SYN3: variants seen among roughly 807,000 people sequenced by gnomAD.
SYN3 encodes the protein synapsin III, also known as synapsin-3.
In SYN3, 35 loss-of-function variants were observed where a neutral mutation model predicts 65.8. The observed-to-expected ratio is 0.53, with a 90% CI of 0.41 to 0.70. The LOEUF (loss-of-function observed/expected upper bound fraction) is 0.70. Among genes scored for constraint, SYN3 ranks in the 30% least tolerant of loss-of-function variants. The probability of loss-of-function intolerance (pLI) is 0.00; values close to 1 mark genes in which losing one functional copy is unlikely to be tolerated. For missense variants in SYN3, 680 were observed against 749.0 expected (o/e 0.91, Z 1.08); for synonymous variants, 270 against 292.9 (o/e 0.92, Z 0.80).
chr22:32,660,970 T>C (rs1006213084), intron 6 of SYN3, among the ~76,000 whole-genome samples: 2 of 152,186 alleles, frequency 1.3e-5, no homozygotes, highest in Admixed American at 6.5e-5. Flanking sequence ...ATGTGAGCCA[T>C]TGGAGACATG....
intron 6 of SYN3, among the ~76,000 whole-genome samples, chr22:32,729,174 T>C (rs1159241678): frequency 6.6e-6 from 1 of 152,254 alleles, no homozygotes; most frequent in Non-Finnish European, 1.5e-5. Context: ...CGATCAGCTA[T>C]ACAAGAACAG....
intron 6 of SYN3, among the ~76,000 whole-genome samples, chr22:32,699,968 G>A (rs2060789542): frequency 6.6e-6 from 1 of 152,136 alleles, no homozygotes; most frequent in East Asian, 1.9e-4. Context: ...TTAGATGGGG[G>A]ATAATGGGAC....
At chr22:32,952,494 C>T (rs73408531) in intron 3 of SYN3, among the ~76,000 whole-genome samples, 1,866 of 152,238 alleles carry the variant, frequency 0.012, 52 homozygotes, top group African/African-American at 0.042. Flanking sequence ...GTGGCTCACA[C>T]GTGTAACTTC....
At chr22:32,849,607 C>G in intron 6 of SYN3, 2 of 1,382,512 alleles carry the variant, frequency 1.4e-6, no homozygotes, top group South Asian at 2.5e-5. Flanking sequence ...CTAAGGGAGG[C>G]AAAGTGGGTT....
At chr22:32,739,426 A>G (rs1318281198) in intron 6 of SYN3, among the ~76,000 whole-genome samples, 1 of 150,570 alleles carries the variant, frequency 6.6e-6, no homozygotes, top group Non-Finnish European at 1.5e-5. Flanking sequence ...CTTTATCAGC[A>G]GTGTGAAAAT....
At chr22:32,783,895 C>T (rs1314578587) in intron 6 of SYN3, among the ~76,000 whole-genome samples, 1 of 152,160 alleles carries the variant, frequency 6.6e-6, no homozygotes, top group Non-Finnish European at 1.5e-5. Context: ...ATAACTGTGT[C>T]GTGGTAGGCA....
At chr22:32,534,026 G>A in intron 9 of SYN3, 131 bp from the exon 10 acceptor site, 1 of 614,198 alleles carries the variant, frequency 1.6e-6, no homozygotes, top group Non-Finnish European at 3.0e-6. Flanking sequence ...CGGCGATGGA[G>A]AGAGACAGAG....
At chr22:32,979,861 T>TAAGG (rs2052320650) in intron 3 of SYN3, among the ~76,000 whole-genome samples, 1 of 152,140 alleles carries the variant, frequency 6.6e-6, no homozygotes, top group Non-Finnish European at 1.5e-5. Context: ...ACAAGGTTAG[T>TAAGG]AAGGGGCGGT....
At chr22:32,878,706 C>T (rs187215225) in intron 4 of SYN3, among the ~76,000 whole-genome samples, 1 of 152,196 alleles carries the variant, frequency 6.6e-6, no homozygotes. Context: ...TGGAAGCAGG[C>T]ATGTCCTTTC....
At chr22:32,769,210 T>A (rs1333287355) in intron 6 of SYN3, among the ~76,000 whole-genome samples, 4 of 150,934 alleles carry the variant, frequency 2.7e-5, no homozygotes, top group African/African-American at 9.8e-5. Flanking sequence ...CCCCCTGTTC[T>A]ACTTTACAGC....
chr22:32,600,143 T>C (rs1243584835), intron 6 of SYN3, among the ~76,000 whole-genome samples: 1 of 152,110 alleles, frequency 6.6e-6, no homozygotes, highest in African/African-American at 2.4e-5. Context: ...CTCACCATAA[T>C]GTAGGATTAG....
At chr22:32,694,243 G>C (rs1454246596) in intron 6 of SYN3, among the ~76,000 whole-genome samples, 1 of 151,978 alleles carries the variant, frequency 6.6e-6, no homozygotes, top group Non-Finnish European at 1.5e-5. Flanking sequence ...ACAGACTCTC[G>C]ACTATGAAAG....
intron 6 of SYN3, among the ~76,000 whole-genome samples, chr22:32,814,726 G>A (rs903692854): frequency 3.9e-5 from 6 of 152,064 alleles, no homozygotes; most frequent in Non-Finnish European, 8.8e-5. Flanking sequence ...CAAATAGTTC[G>A]AATTCCTTCT....
chr22:33,010,641 A>AT (rs2053325990), intron 1 of SYN3, among the ~76,000 whole-genome samples: 1 of 152,224 alleles, frequency 6.6e-6, no homozygotes, highest in African/African-American at 2.4e-5. Context: ...TGTCTTAGAT[A>AT]TCCTAGGTCC....
intron 6 of SYN3, among the ~76,000 whole-genome samples, chr22:32,614,665 C>G (rs1222220675): frequency 1.3e-5 from 2 of 152,192 alleles, no homozygotes; most frequent in Non-Finnish European, 2.9e-5. Flanking sequence ...TTCTAGTCAT[C>G]ATCCTTCAAT....
At chr22:32,633,132 G>A (rs2059768709) in intron 6 of SYN3, among the ~76,000 whole-genome samples, 1 of 152,254 alleles carries the variant, frequency 6.6e-6, no homozygotes, top group African/African-American at 2.4e-5. Context: ...CTGCTGTAAA[G>A]ATGAAGGGAT....
At chr22:32,728,526 G>A (rs947392319) in intron 6 of SYN3, among the ~76,000 whole-genome samples, 1 of 152,216 alleles carries the variant, frequency 6.6e-6, no homozygotes, top group Non-Finnish European at 1.5e-5. Context: ...GTTTCTCAGA[G>A]AGGCTGACCT....
At chr22:32,580,552 T>A (rs546099231) in intron 7 of SYN3, among the ~76,000 whole-genome samples, 24 of 152,242 alleles carry the variant, frequency 1.6e-4, no homozygotes, top group African/African-American at 4.6e-4. Flanking sequence ...GTACTGTTCA[T>A]GGTTTCAGGC....
chr22:32,742,061 C>T (rs1409181717), intron 6 of SYN3, among the ~76,000 whole-genome samples: 1 of 151,894 alleles, frequency 6.6e-6, no homozygotes, highest in Non-Finnish European at 1.5e-5. Flanking sequence ...ATCACGAGGT[C>T]AGGAGATCGA....
Sources: allele counts gnomAD v4.1 joint callset (sites outside exome capture counted in the v4.1 genomes callset), GRCh38; gene constraint gnomAD v4.1.1; transcripts MANE v1.5; gene names NCBI Gene and HGNC (gene_info 2026-07-23, HGNC 2026-07-21).